Variants in ENPP2 observed in about 807,000 individuals in gnomAD.
The protein encoded by ENPP2 is ectonucleotide pyrophosphatase/phosphodiesterase 2, also known as autotaxin.
ENPP2 carries 51 observed loss-of-function variants against 120.2 expected under a neutral mutation model. The observed-to-expected ratio is 0.42, with a 90% CI of 0.34 to 0.54. The LOEUF (loss-of-function observed/expected upper bound fraction) is 0.54, where lower values mean the gene tolerates loss of function less well. ENPP2 is among the 20% of genes least tolerant of loss of function. The pLI, the probability that ENPP2 is intolerant of heterozygous loss-of-function variation, is 0.04. For synonymous variants in ENPP2, 365 were observed against 366.4 expected (o/e 1.00, Z 0.04); for missense variants, 920 against 1,066.5 (o/e 0.86, Z 1.91).
intron 19 of ENPP2, among the ~76,000 whole-genome samples, chr8:119,574,069 G>C (rs1812164934): frequency 6.6e-6 from 1 of 152,172 alleles, no homozygotes; most frequent in Non-Finnish European, 1.5e-5. Flanking sequence ...ATCTAAGAAA[G>C]AGGGGGAAAT....
intron 20 of ENPP2, among the ~76,000 whole-genome samples, 170 bp downstream of exon 20, chr8:119,570,535 T>C (rs1198880235): frequency 6.6e-6 from 1 of 152,178 alleles, no homozygotes; most frequent in Non-Finnish European, 1.5e-5. Flanking sequence ...TACCAGAACA[T>C]TGAATAAAGG....
At chr8:119,590,995 T>TAAAAAAAAAAAAAAAAA (rs58061193) in intron 12 of ENPP2, among the ~76,000 whole-genome samples, 1 of 109,962 alleles carries the variant, frequency 9.1e-6, no homozygotes, top group Non-Finnish European at 1.8e-5. Flanking sequence ...ATCTATTCTT[T>TAAAAAAAAAAAAAAAAA]AAAAAAAAAA....
chr8:119,632,769 G>A (rs575981978), intron 2 of ENPP2, among the ~76,000 whole-genome samples: 2 of 152,266 alleles, frequency 1.3e-5, no homozygotes, highest in East Asian at 1.9e-4. Context: ...GAGAGGTAGG[G>A]TTGTAGAATT....
intron 4 of ENPP2, among the ~76,000 whole-genome samples, chr8:119,620,796 A>G (rs977470821): frequency 1.3e-5 from 2 of 152,264 alleles, no homozygotes; most frequent in Non-Finnish European, 2.9e-5. Context: ...GCTTTGGGGT[A>G]TAACAGGAAA....
intron 11 of ENPP2, among the ~76,000 whole-genome samples, chr8:119,598,800 C>T (rs550015868): frequency 1.4e-4 from 22 of 152,238 alleles, no homozygotes; most frequent in African/African-American, 4.6e-4. Flanking sequence ...TAAATGGTTC[C>T]ATGGAAGGGA....
Position 119,562,924 on chromosome 8 carries a change from C to G in ENPP2, c.2354G>C (p.Cys785Ser). 1 of 1,614,118 alleles carries G rather than the reference C, an allele frequency of 6.2e-7. No homozygotes were observed. Among genetic ancestry groups the G allele is most frequent in the Non-Finnish European group, 8.5e-7 (1 of 1,179,988 alleles). Residue 785 changes from cysteine to serine, a missense_variant, in exon 24 of 25, where the codon TGT becomes TCT. Transcript: ENST00000075322. ...CLDFTQPADK[C>S]DGPLSVSSFI... The stretch of plus-strand genomic sequence containing the variant: ...GGAGGACACAGAGAGAGGGCCGTCA[C>G]ACTTGTCGGCAGGCTGAGTGAAATC...
intron 1 of ENPP2, among the ~76,000 whole-genome samples, chr8:119,654,780 G>A (rs916898275): frequency 2.0e-5 from 3 of 152,150 alleles, no homozygotes; most frequent in Non-Finnish European, 4.4e-5. Flanking sequence ...TGGTAGTCAG[G>A]ATTTCTTAAA....
In ENPP2 at chr8:119,607,944, C is replaced by T. The variant is rs372101304; in HGVS notation, c.811G>A (p.Ala271Thr). The T allele has an allele frequency of 6.2e-7, 1 of 1,610,406 alleles. No individual in the cohort carries two copies. The highest frequency in any genetic ancestry group is 2.2e-5 in the East Asian group (1 of 44,768). The change falls in exon 9 of 25, where the codon GCT becomes ACT. Residue 271 changes from alanine to threonine, a missense_variant. Ala to Thr is a moderately conservative substitution (Grantham distance 58). Transcript: ENST00000075322. ...TACACAGACCAAAAGAATGTTCCAG[C>T]TTTCACCCCTTGCTTGGTGGCTGTA... Reference protein sequence around the residue: ...WITATKQGVKAGTFFWSVVIP... With the variant: ...WITATKQGVKTGTFFWSVVIP...
intron 19 of ENPP2, among the ~76,000 whole-genome samples, chr8:119,578,650 T>C (rs549322662): frequency 7.9e-5 from 12 of 152,382 alleles, no homozygotes; most frequent in African/African-American, 2.6e-4. Flanking sequence ...CTAATTGTTC[T>C]AATTATAATG....
At chr8:119,561,096 C>T (rs971012944) in intron 24 of ENPP2, among the ~76,000 whole-genome samples, 1 of 152,156 alleles carries the variant, frequency 6.6e-6, no homozygotes, top group Non-Finnish European at 1.5e-5. Context: ...TCTTTTCTCC[C>T]ACTATTTGCC....
chr8:119,609,234 C>T (rs1236247407), intron 8 of ENPP2, among the ~76,000 whole-genome samples: 3 of 152,132 alleles, frequency 2.0e-5, no homozygotes, highest in Non-Finnish European at 4.4e-5. Context: ...AGGGTTCCAG[C>T]CCCCTTGGAG....
At chr8:119,668,690 G>T (rs895147832) in intron 1 of ENPP2, among the ~76,000 whole-genome samples, 1 of 152,020 alleles carries the variant, frequency 6.6e-6, no homozygotes, top group African/African-American at 2.4e-5. Context: ...GCCTCCCAAA[G>T]TGCTGGGATT....
At chr8:119,577,482 C>T (rs537901841) in intron 19 of ENPP2, among the ~76,000 whole-genome samples, 108 of 152,246 alleles carry the variant, frequency 7.1e-4, no homozygotes, top group African/African-American at 2.4e-3. Context: ...AAGAAATGAC[C>T]AAGATAGAGC....
chr8:119,638,479 A>G lies in ENPP2; in HGVS notation c.82T>C (p.Phe28Leu), dbSNP rs747609606. 63 of 1,611,232 alleles carry G rather than the reference A, an allele frequency of 3.9e-5. No individual in the cohort carries two copies. The highest frequency in any genetic ancestry group is 1.0e-4 in the Admixed American group (6 of 60,012). ...FAVGVNICLG[F>L]TAHRIKRAEG... The stretch of plus-strand genomic sequence containing the variant: ...GCTCTCTTAATTCGATGTGCAGTGA[A>G]TCCTAAGCAGATATTGACTCCAACG... Residue 28 changes from phenylalanine (F) to leucine (L), a missense_variant, in exon 2 of 25, where the codon TTC (phenylalanine) becomes CTC (leucine). Transcript: ENST00000075322.
chr8:119,570,132 G>GGT (rs10660917), intron 20 of ENPP2, among the ~76,000 whole-genome samples: 17,778 of 151,940 alleles, frequency 0.12, 1,167 homozygotes, highest in South Asian at 0.17. Flanking sequence ...AGCCAGGTGT[G>GGT]GTGGCGTGCA....
upstream of ENPP2, among the ~76,000 whole-genome samples, chr8:119,639,648 G>GA (rs923126155): frequency 1.3e-5 from 2 of 151,956 alleles, no homozygotes; most frequent in African/African-American, 2.4e-5. Flanking sequence ...ATGGGTGGGG[G>GA]AAGGGGATGG....
At chr8:119,595,902 C>A in intron 11 of ENPP2, 1 of 1,614,044 alleles carries the variant, frequency 6.2e-7, no homozygotes, top group South Asian at 1.1e-5. Flanking sequence ...TTTTCTTCTT[C>A]TTTTCTTTGG....
intron 18 of ENPP2, 45 bp from the exon 19 acceptor site, chr8:119,580,212 A>C: frequency 6.7e-7 from 1 of 1,501,876 alleles, no homozygotes; most frequent in Non-Finnish European, 9.3e-7. Context: ...AGCAAATCAG[A>C]AATGTTCTTT....
chr8:119,635,886 T>C (rs1378631308), intron 2 of ENPP2, among the ~76,000 whole-genome samples: 1 of 152,306 alleles, frequency 6.6e-6, no homozygotes, highest in Non-Finnish European at 1.5e-5. Context: ...CCCCAGTCCA[T>C]AGTACAGCAG....
Sources: gnomAD v4.1 joint callset for allele counts (sites outside exome capture counted in the v4.1 genomes callset) on GRCh38, gnomAD v4.1.1 for gene constraint, MANE v1.5 for transcripts, NCBI Gene and HGNC (gene_info 2026-07-23, HGNC 2026-07-21) for gene names.